Variants in ZFYVE27 observed in about 807,000 individuals in gnomAD.
ZFYVE27 encodes zinc finger FYVE-type containing 27.
A neutral mutation model predicts 52.8 loss-of-function variants in ZFYVE27; 36 were observed. The ratio of observed to expected loss-of-function variants is 0.68; its 90% CI spans 0.52 to 0.90. ZFYVE27 has a LOEUF of 0.90. Among genes scored for constraint, ZFYVE27 ranks in the 40% least tolerant of loss-of-function variants. The pLI, the probability that ZFYVE27 is intolerant of heterozygous loss-of-function variation, is 0.00. For synonymous variants in ZFYVE27, 223 were observed against 215.6 expected, an observed-to-expected ratio of 1.03 and a Z score of -0.30; for missense variants, 450 against 527.2, an observed-to-expected ratio of 0.85 and a Z score of 1.43.
rs139799823 is a variant in ZFYVE27 at position 97,755,345 on chromosome 10, G to A, written c.1043-1920G>A. ...CTTTGGGGGCTTTCTCCATTTCAGC[G>A]ACTATAACGAAATACACTAAGCTGG... is the stretch of plus-strand genomic sequence containing the variant. On this transcript the variant is annotated intron_variant, in intron 10 of 12. Coordinates refer to ENST00000684270, the MANE Select transcript of ZFYVE27 (RefSeq NM_001385875.1). Among the ~76,000 whole-genome samples the A allele has an allele frequency of 2.8e-4, 42 of 152,284 alleles. No homozygotes were observed. In the East Asian group the frequency reaches 8.1e-3, roughly 29 times the overall value.
chr10:97,757,444 T>G, intron 11 of ZFYVE27, 133 bp downstream of exon 11: 3 of 1,375,452 alleles, frequency 2.2e-6, no homozygotes, highest in Non-Finnish European at 3.1e-6. Context: ...CTGGAGTGAG[T>G]GTGCCCTCCC....
Position 97,753,177 on chromosome 10 carries a change from A to C in ZFYVE27, c.1037A>C (p.Asn346Thr). The C allele has an allele frequency of 6.2e-7, 1 of 1,609,476 alleles. No homozygotes were observed. Among genetic ancestry groups the C allele is most frequent in the East Asian group, 2.2e-5 (1 of 44,574 alleles). Reference protein sequence around the residue: ...ERLRKRYPTNNFGNCTGCSAT... With the variant: ...ERLRKRYPTNTFGNCTGCSAT... ...CTCCGCAAGCGCTACCCCACCAACA[A>C]CTTCGGTGCGGCCAGGGGACAGGGC... is the stretch of plus-strand genomic sequence containing the variant. The change falls in exon 10 of 13, where the codon AAC becomes ACC. Residue 346 changes from asparagine (N) to threonine (T), a missense_variant. Physicochemically the swap from Asn to Thr is moderately conservative, Grantham distance 65. Transcript: ENST00000684270.
chr10:97,753,277 G>C, intron 10 of ZFYVE27, 95 bp downstream of exon 10: 4 of 1,504,966 alleles, frequency 2.7e-6, no homozygotes, highest in South Asian at 2.6e-5. Context: ...CAGAGTCTCA[G>C]AACTGTGGGT....
intron 2 of ZFYVE27, 92 bp downstream of exon 2, chr10:97,738,766 C>A: frequency 6.9e-7 from 1 of 1,443,986 alleles, no homozygotes; most frequent in Non-Finnish European, 9.7e-7. Context: ...AGTGGCTGGG[C>A]TGTCCTTTCT....
At chr10:97,740,084 T>G (rs1360784292) in intron 2 of ZFYVE27, among the ~76,000 whole-genome samples, 2 of 152,268 alleles carry the variant, frequency 1.3e-5, no homozygotes, top group Non-Finnish European at 2.9e-5. Flanking sequence ...GGGAAAAGCT[T>G]CTGGTTTTCA....
At chr10:97,749,131 A>G (rs1445600087) in intron 5 of ZFYVE27, among the ~76,000 whole-genome samples, 2 of 152,170 alleles carry the variant, frequency 1.3e-5, no homozygotes, top group African/African-American at 4.8e-5. Context: ...CAGAGAACCA[A>G]GAGACTTCTC....
rs1372090681 is a variant in ZFYVE27 at position 97,750,444 on chromosome 10, A to G, written c.778A>G (p.Ser260Gly). 3.7e-6 allele frequency: 6 copies of G among 1,614,058 alleles called. No homozygotes were observed. Among genetic ancestry groups the G allele is most frequent in the Non-Finnish European group, 5.1e-6 (6 of 1,180,054 alleles). The change falls in exon 7 of 13, where the codon AGC becomes GGC. Residue 260 changes from serine to glycine, a missense_variant. Coordinates refer to ENST00000684270, the MANE Select transcript of ZFYVE27 (RefSeq NM_001385875.1). ...TGGGGGGAAGGATGGTCTGATGGAC[A>G]GCACGCCTGCCCTCACACCCACGGA... ...DVGGKDGLMDSTPALTPTEDL... is the reference protein window; with the variant it reads ...DVGGKDGLMDGTPALTPTEDL...
At chr10:97,745,999 A>T (rs1336591291) in intron 4 of ZFYVE27, among the ~76,000 whole-genome samples, 2 of 148,852 alleles carry the variant, frequency 1.3e-5, no homozygotes, top group Admixed American at 6.7e-5. Context: ...AGACTTTCTT[A>T]CTTTGAAATA....
intron 3 of ZFYVE27, among the ~76,000 whole-genome samples, chr10:97,743,496 G>A (rs934975864): frequency 1.5e-4 from 23 of 152,210 alleles, no homozygotes; most frequent in African/African-American, 5.1e-4. Context: ...CGTGGAAGAG[G>A]CAGCCAGTGC....
intron 10 of ZFYVE27, 45 bp from the exon 11 acceptor site, chr10:97,757,220 A>G (rs1224224833): frequency 1.2e-6 from 2 of 1,613,782 alleles, no homozygotes; most frequent in Admixed American, 3.3e-5. Flanking sequence ...TGAGCGTGAG[A>G]GTCCTGGGAT....
rs902469826 is a variant in ZFYVE27 at position 97,742,220 on chromosome 10, G to T, written c.198-874G>T. ...TCTGATGTTTGTCTCTCTCCTAGTG[G>T]CTCACCTATATATTGACACTGCCTT... On this transcript the variant is annotated intron_variant, in intron 2 of 12. Coordinates refer to ENST00000684270, the MANE Select transcript of ZFYVE27 (RefSeq NM_001385875.1). 4.6e-5 allele frequency among the ~76,000 whole-genome samples: 7 copies of T among 152,044 alleles called. No homozygotes were observed. The East Asian group carries it at 1.3e-3, about 29-fold the overall frequency.
chr10:97,752,707 T>C, intron 8 of ZFYVE27, 150 bp from the exon 9 acceptor site: 1 of 867,142 alleles, frequency 1.2e-6, no homozygotes, highest in Non-Finnish European at 1.8e-6. Context: ...GTGGGGGGCG[T>C]CTGTCAATGT....
chr10:97,752,796 T>C, intron 8 of ZFYVE27, 61 bp from the exon 9 acceptor site: 2 of 1,597,152 alleles, frequency 1.3e-6, no homozygotes, highest in African/African-American at 2.7e-5. Context: ...AGGTAGCTTC[T>C]TTCTTCTTGC....
chr10:97,754,742 G>A, intron 10 of ZFYVE27: 1 of 1,289,360 alleles, frequency 7.8e-7, no homozygotes, highest in South Asian at 1.2e-5. Context: ...ACAGGAGCAG[G>A]CAGTTCTTAA....
chr10:97,759,322 C>G lies in ZFYVE27; in HGVS notation c.*22C>G. ...GTGAGAAGAGAGGCCAGGGTCCAAC[C>G]AGGCACCCGTCCTTGGGACCAGCAG... On this transcript the variant is annotated 3_prime_UTR_variant, in exon 13 of 13. Coordinates refer to ENST00000684270, the MANE Select transcript of ZFYVE27 (RefSeq NM_001385875.1). 2 of 1,614,056 alleles carry G rather than the reference C, an allele frequency of 1.2e-6. No homozygotes were observed. The highest frequency in any genetic ancestry group is 1.7e-6 in the Non-Finnish European group (2 of 1,179,928).
chr10:97,742,958 C>A, intron 2 of ZFYVE27, 136 bp from the exon 3 acceptor site: 1 of 908,080 alleles, frequency 1.1e-6, no homozygotes. Flanking sequence ...AGTGAGAGGC[C>A]CCCTTTTCGT....
intron 2 of ZFYVE27, 35 bp from the exon 3 acceptor site, chr10:97,743,059 A>G: frequency 6.2e-7 from 1 of 1,612,452 alleles, no homozygotes; most frequent in Non-Finnish European, 8.5e-7. Context: ...TGGAGGAGTG[A>G]CTCTCTGTAG....
At position 97,750,362 on chromosome 10, in the gene ZFYVE27, G is replaced by T; in HGVS notation, c.696G>T (p.Gln232His). 1 of 1,614,188 alleles carries T rather than the reference G, an allele frequency of 6.2e-7. No individual in the cohort carries two copies. Among genetic ancestry groups the T allele is most frequent in the Non-Finnish European group, 8.5e-7 (1 of 1,180,052 alleles). The change falls in exon 7 of 13, where the codon CAG becomes CAT. Residue 232 changes from glutamine to histidine, a missense_variant. Gln to His is a conservative substitution (Grantham distance 24, BLOSUM62 0). Coordinates refer to ENST00000684270, the MANE Select transcript of ZFYVE27 (RefSeq NM_001385875.1). The stretch of plus-strand genomic sequence containing the variant: ...CTGAGTACAGGGCATCTCTGCAGCA[G>T]AGGATGAACCCAAAGCAGGAAGAGC... The part of the protein sequence containing the change: ...VVSEYRASLQ[Q>H]RMNPKQEEHA...
At chr10:97,750,257 A>G in intron 6 of ZFYVE27, 74 bp from the exon 7 acceptor site, 2 of 1,582,032 alleles carry the variant, frequency 1.3e-6, no homozygotes, top group South Asian at 2.2e-5. Flanking sequence ...CCAGCTGCAG[A>G]AGTGGGTACC....
Sources: allele counts gnomAD v4.1 joint callset (sites outside exome capture counted in the v4.1 genomes callset), GRCh38; gene constraint gnomAD v4.1.1; transcripts MANE v1.5; gene names NCBI Gene and HGNC (gene_info 2026-07-23, HGNC 2026-07-21).